The following SPEF2 variants were observed in gnomAD, a reference collection of about 807,000 sequenced individuals.
SPEF2 encodes the protein sperm flagella and cilia-associated protein 2.
A neutral mutation model predicts 224.6 loss-of-function variants in SPEF2; 187 were observed. The observed-to-expected ratio is 0.83, with a 90% CI of 0.74 to 0.94. The LOEUF is 0.94. Ranked by LOEUF, SPEF2 falls within the 40% of genes least tolerant of loss-of-function variation. The probability of loss-of-function intolerance (pLI) is 0.00; values close to 1 mark genes in which losing one functional copy is unlikely to be tolerated. For missense variants in SPEF2, 2,170 were observed against 2,135.6 expected, an observed-to-expected ratio of 1.02 and a Z score of -0.32; for synonymous variants, 715 against 707.3, an observed-to-expected ratio of 1.01 and a Z score of -0.17.
intron 12 of SPEF2, among the ~76,000 whole-genome samples, chr5:35,692,936 G>A (rs1754742723): frequency 2.0e-5 from 3 of 152,108 alleles, no homozygotes; most frequent in Admixed American, 1.3e-4. Context: ...GATATTATGT[G>A]GGTACTTGTA....
At chr5:35,660,151 G>T (rs1235831240) in intron 8 of SPEF2, among the ~76,000 whole-genome samples, 1 of 151,956 alleles carries the variant, frequency 6.6e-6, no homozygotes, top group Non-Finnish European at 1.5e-5. Flanking sequence ...TTATGTATAT[G>T]TGAGTTCTAG....
rs1464731084 is a variant in SPEF2 at position 35,788,590 on chromosome 5, A to C, written c.4448-3750A>C. ...AAAGAAATGATCCTCTGGCAATAAA[A>C]AATGCCATTGAGAAAACTCTAGAGA... On this transcript the variant is annotated intron_variant, in intron 30 of 36. Transcript: ENST00000356031. The C allele has an allele frequency of 4.3e-6, 3 of 702,814 alleles. No individual in the cohort carries two copies. The African/African-American group carries it at 5.2e-5, about 12-fold the overall frequency. The allele number at this position is 702,814 out of a possible 1,614,324, so 43.5% of individuals were successfully genotyped here.
At chr5:35,747,253 CA>C (rs1455575009) in intron 23 of SPEF2, among the ~76,000 whole-genome samples, 1 of 151,880 alleles carries the variant, frequency 6.6e-6, no homozygotes, top group Non-Finnish European at 1.5e-5. Flanking sequence ...AACAAAAATA[CA>C]AGTTAAAAAA....
intron 33 of SPEF2, among the ~76,000 whole-genome samples, chr5:35,797,713 G>A (rs1413042181): frequency 6.6e-6 from 1 of 152,090 alleles, no homozygotes; most frequent in Non-Finnish European, 1.5e-5. Flanking sequence ...TAAGAAAGGT[G>A]GGCAAAGATA....
At chr5:35,651,531 G>T (rs144939095) in intron 6 of SPEF2, among the ~76,000 whole-genome samples, 1 of 152,196 alleles carries the variant, frequency 6.6e-6, no homozygotes, top group Non-Finnish European at 1.5e-5. Flanking sequence ...AAAGAAAAAC[G>T]TTGGGAAGTG....
Position 35,763,608 on chromosome 5 carries a change from A to G in SPEF2, c.3707A>G (p.Asp1236Gly), listed in dbSNP as rs1017261754. The change falls in exon 26 of 37, where the codon GAT (aspartate) becomes GGT (glycine). Residue 1236 changes from aspartate to glycine, a missense_variant. Transcript: ENST00000356031. Reference protein sequence around the residue: ...KTKSVLKGKMDNSLENVESNF... With the variant: ...KTKSVLKGKMGNSLENVESNF... The stretch of plus-strand genomic sequence containing the variant: ...AAATCAGTACTGAAGGGCAAGATGG[A>G]TAACTCCCTAGAAAACGTTGAGTCC... The G allele has an allele frequency of 3.3e-5, 53 of 1,614,026 alleles. No individual in the cohort carries two copies. Among genetic ancestry groups the G allele is most frequent in the Non-Finnish European group, 4.2e-5 (50 of 1,179,934 alleles).
intron 2 of SPEF2, among the ~76,000 whole-genome samples, chr5:35,635,373 C>T (rs1160012767): frequency 1.3e-5 from 2 of 152,088 alleles, no homozygotes; most frequent in South Asian, 4.1e-4. Flanking sequence ...TTCCCATTTA[C>T]CCTGAGAACA....
intron 32 of SPEF2, among the ~76,000 whole-genome samples, chr5:35,793,916 T>C (rs1174650125): frequency 6.6e-6 from 1 of 152,118 alleles, no homozygotes; most frequent in Admixed American, 6.5e-5. Flanking sequence ...CATGAGTCAA[T>C]ATCATGTAAG....
chr5:35,795,601 C>G, intron 32 of SPEF2, 102 bp from the exon 33 acceptor site: 1 of 922,900 alleles, frequency 1.1e-6, no homozygotes, highest in Non-Finnish European at 1.6e-6. Flanking sequence ...ACTTGGGAGA[C>G]AACTGCTCTA....
chr5:35,798,119 A>G (rs1756935013), intron 33 of SPEF2, among the ~76,000 whole-genome samples: 1 of 152,136 alleles, frequency 6.6e-6, no homozygotes, highest in Non-Finnish European at 1.5e-5. Context: ...AATCAGCTTC[A>G]CCTAGATGAC....
At chr5:35,773,493 A>T (rs147990903) in intron 27 of SPEF2, among the ~76,000 whole-genome samples, 55 of 152,282 alleles carry the variant, frequency 3.6e-4, no homozygotes, top group African/African-American at 1.2e-3. Flanking sequence ...TCTAGGAAAC[A>T]CTTTGCTAAT....
chr5:35,673,156 G>T (rs1751423038), intron 10 of SPEF2, among the ~76,000 whole-genome samples: 1 of 152,138 alleles, frequency 6.6e-6, no homozygotes, highest in Non-Finnish European at 1.5e-5. Flanking sequence ...TAACAACATT[G>T]AGTTATTTAG....
At chr5:35,801,607 C>T (rs1561387549) in intron 34 of SPEF2, among the ~76,000 whole-genome samples, 1 of 152,122 alleles carries the variant, frequency 6.6e-6, no homozygotes, top group Non-Finnish European at 1.5e-5. Context: ...GTTTCTGTAT[C>T]TCTCTGTAGA....
intron 30 of SPEF2, among the ~76,000 whole-genome samples, chr5:35,782,314 T>A (rs1053759672): frequency 6.6e-6 from 1 of 152,200 alleles, no homozygotes; most frequent in Non-Finnish European, 1.5e-5. Context: ...CTGCAGAACT[T>A]CCTGCTCAAA....
chr5:35,807,838 C>A, intron 36 of SPEF2: 1 of 1,523,120 alleles, frequency 6.6e-7, no homozygotes. Context: ...GCTAAATGTG[C>A]ATCCACTATG....
chr5:35,780,197 G>T (rs771532848), intron 30 of SPEF2, among the ~76,000 whole-genome samples: 1 of 152,032 alleles, frequency 6.6e-6, no homozygotes, highest in Non-Finnish European at 1.5e-5. Context: ...CTACTTATTG[G>T]GAAATTATTA....
intron 11 of SPEF2, among the ~76,000 whole-genome samples, chr5:35,691,984 G>C (rs181237045): frequency 6.6e-6 from 1 of 151,518 alleles, no homozygotes; most frequent in Admixed American, 6.6e-5. Context: ...ATTTTTAGTA[G>C]AGACAGGGTT....
At chr5:35,774,429 G>A (rs917473774) in intron 28 of SPEF2, among the ~76,000 whole-genome samples, 1 of 152,074 alleles carries the variant, frequency 6.6e-6, no homozygotes, top group Non-Finnish European at 1.5e-5. Flanking sequence ...AATAATTTAG[G>A]TACCTAATTA....
chr5:35,623,367 G>A (rs1271375004), intron 1 of SPEF2, among the ~76,000 whole-genome samples: 1 of 152,166 alleles, frequency 6.6e-6, no homozygotes, highest in Non-Finnish European at 1.5e-5. Context: ...CTTTTTAAAT[G>A]TAGTTGATAG....
Sources: allele counts gnomAD v4.1 joint callset (sites outside exome capture counted in the v4.1 genomes callset), GRCh38; gene constraint gnomAD v4.1.1; transcripts MANE v1.5; gene names NCBI Gene and HGNC (gene_info 2026-07-23, HGNC 2026-07-21).